AP3B1: variants seen among roughly 807,000 people sequenced by gnomAD.
AP3B1 encodes the protein AP-3 complex subunit beta-1.
Under a neutral mutation model 132.5 loss-of-function variants are expected in AP3B1, and 61 were observed. That is an observed-to-expected ratio of 0.46 (90% confidence interval 0.37 to 0.57). AP3B1 has a LOEUF of 0.57. Among genes scored for constraint, AP3B1 ranks in the 20% least tolerant of loss-of-function variants. AP3B1 has a pLI of 0.00. For missense variants in AP3B1, 1,120 were observed against 1,289.4 expected, an observed-to-expected ratio of 0.87 and a Z score of 2.01; for synonymous variants, 388 against 438.3, an observed-to-expected ratio of 0.89 and a Z score of 1.43.
At chr5:78,054,407 G>A (rs1264080425) in intron 22 of AP3B1, among the ~76,000 whole-genome samples, 2 of 152,164 alleles carry the variant, frequency 1.3e-5, no homozygotes, top group Non-Finnish European at 2.9e-5. Context: ...TAGGAAGATG[G>A]AATGGGCCCC....
At chr5:78,197,251 TCTG>T (rs1405577572) in intron 7 of AP3B1, among the ~76,000 whole-genome samples, 1 of 152,064 alleles carries the variant, frequency 6.6e-6, no homozygotes, top group Non-Finnish European at 1.5e-5. Flanking sequence ...TAGGTCTCTC[TCTG>T]CTATGTTTAC....
chr5:78,235,543 A>G (rs1746840602), intron 3 of AP3B1, among the ~76,000 whole-genome samples: 1 of 152,232 alleles, frequency 6.6e-6, no homozygotes, highest in African/African-American at 2.4e-5. Flanking sequence ...AGAATCAATC[A>G]ATATTGACCA....
chr5:78,053,693 A>G (rs113920571), intron 22 of AP3B1, among the ~76,000 whole-genome samples: 9 of 83,944 alleles, frequency 1.1e-4, no homozygotes, highest in African/African-American at 1.7e-4. Context: ...AAAAAAAAAA[A>G]AAAAGAAAGA....
At chr5:78,074,350 G>A (rs1290789060) in intron 22 of AP3B1, among the ~76,000 whole-genome samples, 2 of 151,962 alleles carry the variant, frequency 1.3e-5, no homozygotes, top group African/African-American at 4.8e-5. Context: ...GAATAAGATG[G>A]GGCATGGCTA....
At chr5:78,129,038 A>T in intron 16 of AP3B1, 83 bp downstream of exon 16, 2 of 1,151,248 alleles carry the variant, frequency 1.7e-6, no homozygotes, top group East Asian at 2.5e-5. Flanking sequence ...CCTAAGAGAT[A>T]AATTTTAAGC....
At chr5:78,056,756 G>A (rs1748831578) in intron 22 of AP3B1, among the ~76,000 whole-genome samples, 1 of 152,170 alleles carries the variant, frequency 6.6e-6, no homozygotes, top group African/African-American at 2.4e-5. Flanking sequence ...ACAACTGAGG[G>A]AGGAAGGGAC....
At chr5:78,122,136 A>G (rs1038150895) in intron 17 of AP3B1, among the ~76,000 whole-genome samples, 1 of 152,222 alleles carries the variant, frequency 6.6e-6, no homozygotes, top group Admixed American at 6.5e-5. Flanking sequence ...GCCTTTGACA[A>G]AATTCAACAA....
chr5:78,043,591 T>C, intron 22 of AP3B1: 1 of 482,722 alleles, frequency 2.1e-6, no homozygotes, highest in South Asian at 1.7e-5. Flanking sequence ...CTGTCTGGTC[T>C]TCTTTAAGGT....
chr5:78,081,408 C>T (rs942183427), intron 22 of AP3B1, among the ~76,000 whole-genome samples: 6 of 150,082 alleles, frequency 4.0e-5, no homozygotes, highest in Non-Finnish European at 8.9e-5. Flanking sequence ...CCCGGGTTCA[C>T]GCCATTCTCC....
intron 21 of AP3B1, among the ~76,000 whole-genome samples, chr5:78,100,090 T>C (rs535985189): frequency 6.6e-5 from 10 of 152,180 alleles, no homozygotes; most frequent in Admixed American, 5.2e-4. Context: ...CAAATTTAAC[T>C]CCAATTTTAT....
chr5:78,150,552 G>GAAGT (rs55744939), intron 14 of AP3B1, among the ~76,000 whole-genome samples: 49,533 of 151,772 alleles, frequency 0.33, 8,245 homozygotes, highest in Admixed American at 0.44. Flanking sequence ...AGAAGAGCAT[G>GAAGT]AAGATAGAAT....
At chr5:78,061,049 A>T (rs1035548604) in intron 22 of AP3B1, among the ~76,000 whole-genome samples, 8 of 152,144 alleles carry the variant, frequency 5.3e-5, no homozygotes, top group African/African-American at 1.9e-4. Context: ...CTTTGAAAAA[A>T]GAAGTACTGA....
chr5:78,158,498 A>G (rs1472488821), intron 13 of AP3B1, among the ~76,000 whole-genome samples: 1 of 150,242 alleles, frequency 6.7e-6, no homozygotes, highest in Admixed American at 6.7e-5. Flanking sequence ...AAGCTAACTA[A>G]TATTAATGCT....
chr5:78,175,915 A>G (rs1744130017), intron 9 of AP3B1, 77 bp from the exon 10 acceptor site: 1 of 1,097,640 alleles, frequency 9.1e-7, no homozygotes, highest in Admixed American at 1.7e-5. Flanking sequence ...AATAATGACA[A>G]AGAATTAGCA....
At chr5:78,111,763 A>C (rs1047227409) in intron 19 of AP3B1, among the ~76,000 whole-genome samples, 3 of 152,172 alleles carry the variant, frequency 2.0e-5, no homozygotes, top group Non-Finnish European at 4.4e-5. Flanking sequence ...TTTTTTAAGA[A>C]TCTACTGTGG....
chr5:78,174,662 G>C (rs539056516), intron 11 of AP3B1, among the ~76,000 whole-genome samples: 1 of 152,346 alleles, frequency 6.6e-6, no homozygotes, highest in Non-Finnish European at 1.5e-5. Flanking sequence ...GTGTCTCCCA[G>C]TTAGGCTACA....
At chr5:78,099,196 A>T (rs1042435107) in intron 21 of AP3B1, among the ~76,000 whole-genome samples, 7 of 152,228 alleles carry the variant, frequency 4.6e-5, no homozygotes, top group African/African-American at 1.7e-4. Context: ...TGGACTTCCC[A>T]GCCTCCAGAA....
At chr5:78,151,811 T>TTTCCTTCC (rs539810590) in intron 14 of AP3B1, among the ~76,000 whole-genome samples, 2 of 148,952 alleles carry the variant, frequency 1.3e-5, no homozygotes, top group African/African-American at 5.1e-5. Flanking sequence ...TCTAGTTTTA[T>TTTCCTTCC]TTCCTTCCTT....
At position 78,267,654 on chromosome 5, in the gene AP3B1, A is replaced by T. The variant is rs1176674857; in HGVS notation, c.129-59T>A. 11 of 1,025,584 alleles carry T rather than the reference A, an allele frequency of 1.1e-5. No individual in the cohort carries two copies. The African/African-American group carries it at 1.8e-4, about 17-fold the overall frequency. 63.5% of individuals were successfully genotyped at this position (1,025,584 alleles called of 1,614,324 possible). ...TTGATTTTTATATTAGATAGCTTAA[A>T]ATATATCATTTTCATAAGAATTAGA... On this transcript the variant is annotated intron_variant, in intron 1 of 26. Coordinates refer to ENST00000255194, the MANE Select transcript of AP3B1 (RefSeq NM_003664.5).
Sources: gnomAD v4.1 joint callset for allele counts (sites outside exome capture counted in the v4.1 genomes callset) on GRCh38, gnomAD v4.1.1 for gene constraint, MANE v1.5 for transcripts, NCBI Gene and HGNC (gene_info 2026-07-23, HGNC 2026-07-21) for gene names.